Variants in GRID2 observed in about 807,000 individuals in gnomAD.
The protein encoded by GRID2 is glutamate receptor ionotropic, delta-2.
Under a neutral mutation model 114.8 loss-of-function variants are expected in GRID2, and 33 were observed. The ratio of observed to expected loss-of-function variants is 0.29; its 90% CI spans 0.22 to 0.38. GRID2 has a LOEUF of 0.38. GRID2 is among the 10% of genes least tolerant of loss of function. GRID2 has a pLI of 1.00. For missense variants in GRID2, 1,184 were observed against 1,257.7 expected, an observed-to-expected ratio of 0.94 and a Z score of 0.89; for synonymous variants, 505 against 449.9, an observed-to-expected ratio of 1.12 and a Z score of -1.55.
In GRID2 at chr4:93,358,273, TTAAC is replaced by T. The variant is rs1389758203; in HGVS notation, c.1246-37333_1246-37330del. On this transcript the variant is annotated intron_variant, in intron 8 of 15. Coordinates refer to ENST00000282020, the MANE Select transcript of GRID2 (RefSeq NM_001510.4). ...TTAGCTATTACTTTAAAAATATTAATTAACAGTAGCAAAAATGACTCTTTTCTTG... is the reference window on the plus strand; with the variant it reads ...TTAGCTATTACTTTAAAAATATTAATAGTAGCAAAAATGACTCTTTTCTTG... Among the ~76,000 whole-genome samples the T allele has an allele frequency of 1.6e-4, 25 of 151,986 alleles. No individual in the cohort carries two copies. The East Asian group carries it at 4.8e-3, about 29-fold the overall frequency.
chr4:93,750,685 G>A (rs1338011596), intron 14 of GRID2, among the ~76,000 whole-genome samples: 1 of 152,032 alleles, frequency 6.6e-6, no homozygotes, highest in Non-Finnish European at 1.5e-5. Flanking sequence ...GAACCCGGGA[G>A]GCAGAGCTTG....
intron 5 of GRID2, among the ~76,000 whole-genome samples, chr4:93,214,416 C>G (rs1331583066): frequency 6.6e-6 from 1 of 151,862 alleles, no homozygotes; most frequent in African/African-American, 2.4e-5. Flanking sequence ...CTCGAAATGC[C>G]CCTTTTGAAA....
chr4:92,668,735 A>G (rs1332572871), intron 2 of GRID2, among the ~76,000 whole-genome samples: 3 of 151,876 alleles, frequency 2.0e-5, no homozygotes, highest in Non-Finnish European at 2.9e-5. Flanking sequence ...TTCTCTTCAT[A>G]AAATCACTTT....
intron 2 of GRID2, among the ~76,000 whole-genome samples, chr4:92,831,147 T>A (rs2149398860): frequency 6.6e-6 from 1 of 152,346 alleles, no homozygotes; most frequent in African/African-American, 2.4e-5. Context: ...CTCTGAATTT[T>A]AACTTGCATT....
chr4:93,518,343 A>T (rs1730009609), intron 13 of GRID2, among the ~76,000 whole-genome samples: 1 of 152,026 alleles, frequency 6.6e-6, no homozygotes, highest in Non-Finnish European at 1.5e-5. Context: ...TGATTTGCTA[A>T]ACTTGGTAGC....
intron 2 of GRID2, among the ~76,000 whole-genome samples, chr4:92,966,680 A>G (rs1444528093): frequency 2.0e-5 from 3 of 151,804 alleles, no homozygotes; most frequent in African/African-American, 7.3e-5. Context: ...TGTGTAAGAC[A>G]TGTCTTTTTC....
chr4:93,502,923 A>C (rs540005960), intron 12 of GRID2, among the ~76,000 whole-genome samples: 1 of 152,168 alleles, frequency 6.6e-6, no homozygotes, highest in East Asian at 1.9e-4. Context: ...TCTGAGAGGG[A>C]TGCTACAGAG....
At chr4:93,242,805 G>A (rs1318990140) in intron 8 of GRID2, among the ~76,000 whole-genome samples, 1 of 151,972 alleles carries the variant, frequency 6.6e-6, no homozygotes, top group East Asian at 1.9e-4. Flanking sequence ...GCTTCATTTA[G>A]CCTTCTAAAA....
chr4:93,583,155 A>G (rs1737157269), intron 13 of GRID2, among the ~76,000 whole-genome samples: 1 of 152,342 alleles, frequency 6.6e-6, no homozygotes, highest in African/African-American at 2.4e-5. Flanking sequence ...CATTAAAGTT[A>G]GAATCATCCT....
intron 13 of GRID2, among the ~76,000 whole-genome samples, chr4:93,607,431 C>T (rs1164569259): frequency 1.3e-5 from 2 of 152,068 alleles, no homozygotes; most frequent in Non-Finnish European, 2.9e-5. Flanking sequence ...GGCAGGAACA[C>T]ATCATCATTC....
At chr4:92,458,552 C>A (rs1721327713) in intron 1 of GRID2, among the ~76,000 whole-genome samples, 1 of 152,128 alleles carries the variant, frequency 6.6e-6, no homozygotes, top group Admixed American at 6.6e-5. Context: ...TATTCTGTTT[C>A]ATTTGTTTGT....
At chr4:92,548,929 C>G (rs912242707) in intron 1 of GRID2, among the ~76,000 whole-genome samples, 1 of 152,014 alleles carries the variant, frequency 6.6e-6, no homozygotes, top group Non-Finnish European at 1.5e-5. Context: ...ATCACAGGAA[C>G]AGTACCAAAG....
At chr4:92,939,976 G>A (rs1259122115) in intron 2 of GRID2, among the ~76,000 whole-genome samples, 1 of 147,206 alleles carries the variant, frequency 6.8e-6, no homozygotes, top group African/African-American at 2.4e-5. Context: ...TAGCCTTGTA[G>A]TATAGTTTGA....
At chr4:93,095,046 CAA>C (rs1041871672) in intron 3 of GRID2, among the ~76,000 whole-genome samples, 19 of 151,318 alleles carry the variant, frequency 1.3e-4, no homozygotes, top group African/African-American at 4.6e-4. Flanking sequence ...AAACAGAAAA[CAA>C]AATGAGAAAG....
At chr4:93,752,341 A>G (rs1027898508) in intron 14 of GRID2, among the ~76,000 whole-genome samples, 7 of 150,812 alleles carry the variant, frequency 4.6e-5, no homozygotes, top group South Asian at 2.1e-4. Context: ...CGTTTTCCTA[A>G]CTAATACTCA....
intron 2 of GRID2, among the ~76,000 whole-genome samples, chr4:92,756,722 C>T (rs1278166388): frequency 2.0e-5 from 3 of 152,032 alleles, no homozygotes; most frequent in African/African-American, 7.2e-5. Context: ...TGATGTTGAA[C>T]ATTTTTTCAT....
At chr4:92,930,337 G>A (rs1028474583) in intron 2 of GRID2, among the ~76,000 whole-genome samples, 2 of 150,888 alleles carry the variant, frequency 1.3e-5, no homozygotes, top group Non-Finnish European at 3.0e-5. Flanking sequence ...CTTCAACTAA[G>A]GTTTATTATT....
intron 8 of GRID2, among the ~76,000 whole-genome samples, chr4:93,252,784 T>C (rs1749117537): frequency 6.6e-6 from 1 of 152,122 alleles, no homozygotes; most frequent in South Asian, 2.1e-4. Context: ...ATCGTTCACT[T>C]CCCTTGTTAG....
In GRID2 at chr4:93,703,526, G is replaced by C. The variant is rs187987139; in HGVS notation, c.2361-65684G>C. Among the ~76,000 whole-genome samples, 3 of 151,500 alleles carry C rather than the reference G, an allele frequency of 2.0e-5. No individual in the cohort carries two copies. In the East Asian group the frequency reaches 5.8e-4, roughly 29 times the overall value. The stretch of plus-strand genomic sequence containing the variant: ...TTTTTTATATGTACTTTAAGTTTTA[G>C]AGTGCATGTGCACAACGTGCAGGTT... On this transcript the variant is annotated intron_variant, in intron 14 of 15. Coordinates refer to ENST00000282020, the MANE Select transcript of GRID2 (RefSeq NM_001510.4).
Sources: allele counts gnomAD v4.1 joint callset (sites outside exome capture counted in the v4.1 genomes callset), GRCh38; gene constraint gnomAD v4.1.1; transcripts MANE v1.5; gene names NCBI Gene and HGNC (gene_info 2026-07-23, HGNC 2026-07-21).